The following SDK2 variants were observed in gnomAD, a reference collection of about 807,000 sequenced individuals.
SDK2 encodes the protein sidekick cell adhesion molecule 2, also known as protein sidekick-2.
Under a neutral mutation model 253.9 loss-of-function variants are expected in SDK2, and 105 were observed. The ratio of observed to expected loss-of-function variants is 0.41; its 90% CI spans 0.35 to 0.49. SDK2 has a LOEUF of 0.49. SDK2 is among the 20% of genes least tolerant of loss of function. The pLI, the probability that SDK2 is intolerant of heterozygous loss-of-function variation, is 0.06. For missense variants in SDK2, 2,608 were observed against 3,003.0 expected (o/e 0.87, Z 3.07); for synonymous variants, 1,249 against 1,234.9 (o/e 1.01, Z -0.24).
chr17:73,513,454 T>C (rs1356923649), intron 1 of SDK2, among the ~76,000 whole-genome samples: 1 of 152,212 alleles, frequency 6.6e-6, no homozygotes, highest in Non-Finnish European at 1.5e-5. Flanking sequence ...TGTGATATTC[T>C]GGGCTGGTGA....
At chr17:73,421,455 C>T (rs531517137) in intron 15 of SDK2, among the ~76,000 whole-genome samples, 2 of 152,104 alleles carry the variant, frequency 1.3e-5, no homozygotes, top group East Asian at 3.9e-4. Context: ...ATCTTTCTTG[C>T]TAGAGGTGGC....
At position 73,368,545 on chromosome 17, in the gene SDK2, T is replaced by C. The variant is rs1200442656; in HGVS notation, c.5029A>G (p.Thr1677Ala). 2 of 1,608,086 alleles carry C rather than the reference T, an allele frequency of 1.2e-6. No homozygotes were observed. Among genetic ancestry groups the C allele is most frequent in the South Asian group, 1.1e-5 (1 of 89,428 alleles). Residue 1677 changes from threonine to alanine, a missense_variant, in exon 37 of 45, where the codon ACG becomes GCG. By Grantham distance (58) the Thr-to-Ala change is moderately conservative. Coordinates refer to ENST00000392650, the MANE Select transcript of SDK2 (RefSeq NM_001144952.2). Reference sequence around the variant, plus strand: ...ACGCTGTTCTCAGCCAGGAAAAGCGTCTTCACTCGCTCTGTGAGGTTCCCC... The same window carrying C: ...ACGCTGTTCTCAGCCAGGAAAAGCGCCTTCACTCGCTCTGTGAGGTTCCCC... Reference protein sequence around the residue: ...QRGNLTERVKTLFLAENSVKL... With the variant: ...QRGNLTERVKALFLAENSVKL...
At chr17:73,417,147 T>C (rs2050805708) in intron 16 of SDK2, among the ~76,000 whole-genome samples, 1 of 151,380 alleles carries the variant, frequency 6.6e-6, no homozygotes, top group African/African-American at 2.4e-5. Context: ...CTCGTACCTA[T>C]AATCCCAGTG....
In SDK2 at chr17:73,385,904, T is replaced by C. The variant is rs1283285215; in HGVS notation, c.4512A>G (p.Ala1504=). Residue 1504 remains alanine (A), a synonymous_variant, in exon 32 of 45, where the codon GCA becomes GCG. Coordinates refer to ENST00000392650, the MANE Select transcript of SDK2 (RefSeq NM_001144952.2). The part of the protein sequence containing the change: ...LTTLQAAPDE[A]PTILSVTPHT... ...GGGGCGTCACGGAGAGGATGGTGGG[T>C]GCTTCATCGGGGGCTGTGGAGAGAA... 4 of 1,606,080 alleles carry C rather than the reference T, an allele frequency of 2.5e-6. No individual in the cohort carries two copies. In the South Asian group the frequency reaches 3.4e-5, roughly 14 times the overall value.
At position 73,462,438 on chromosome 17, in the gene SDK2, GTATA is replaced by G. The variant is rs963737062; in HGVS notation, c.332-6389_332-6386del. Among the ~76,000 whole-genome samples, 7 of 10,324 alleles carry G rather than the reference GTATA, an allele frequency of 6.8e-4. No individual in the cohort carries two copies. The Non-Finnish European group carries it at 0.022, about 33-fold the overall frequency. 6.8% of individuals were successfully genotyped at this position (10,324 alleles called of 152,430 possible). A position where few individuals can be genotyped will look rare whatever the true frequency, so the allele number is the denominator to read the frequency against. Reference sequence around the variant, plus strand: ...ATATATGGATGCATTTGGTGGGATGGTATATATATATACACACACACATACATGT... The same window carrying G: ...ATATATGGATGCATTTGGTGGGATGGTATATATACACACACACATACATGT... On this transcript the variant is annotated intron_variant, in intron 3 of 44. Transcript: ENST00000392650.
chr17:73,548,040 C>T (rs1260432590), intron 1 of SDK2, among the ~76,000 whole-genome samples: 1 of 152,182 alleles, frequency 6.6e-6, no homozygotes, highest in African/African-American at 2.4e-5. Context: ...CTTGTGAGAA[C>T]TCACTATTAC....
intron 3 of SDK2, among the ~76,000 whole-genome samples, chr17:73,460,247 C>A (rs2063554584): frequency 6.6e-6 from 1 of 152,160 alleles, no homozygotes; most frequent in Non-Finnish European, 1.5e-5. Context: ...TGGGAGCAGC[C>A]CACATGGAGA....
At chr17:73,560,262 A>G (rs149676787) in intron 1 of SDK2, among the ~76,000 whole-genome samples, 4 of 152,214 alleles carry the variant, frequency 2.6e-5, no homozygotes, top group African/African-American at 9.7e-5. Context: ...GTTCATGGAA[A>G]TGACAGCTGG....
intron 15 of SDK2, among the ~76,000 whole-genome samples, chr17:73,419,915 T>G (rs1206462243): frequency 1.3e-5 from 2 of 151,436 alleles, no homozygotes; most frequent in Admixed American, 1.3e-4. Flanking sequence ...ATGTTTTTGG[T>G]GCCGTTGAGG....
At chr17:73,472,037 C>T in intron 3 of SDK2, 75 bp downstream of exon 3, 1 of 1,112,202 alleles carries the variant, frequency 9.0e-7, no homozygotes, top group South Asian at 1.4e-5. Flanking sequence ...TCTGGCTCTG[C>T]CCAGGATGTG....
chr17:73,466,715 G>GC (rs869108125), intron 3 of SDK2, among the ~76,000 whole-genome samples: 27,498 of 106,672 alleles, frequency 0.26, 5,035 homozygotes, highest in South Asian at 0.36. Flanking sequence ...TCTGGGGAAC[G>GC]CCCCCCCCCC....
chr17:73,598,665 C>A (rs995764604), intron 1 of SDK2, among the ~76,000 whole-genome samples: 5 of 152,158 alleles, frequency 3.3e-5, no homozygotes, highest in African/African-American at 1.2e-4. Context: ...GATCGCTGGC[C>A]TTTTTCTTTA....
intron 18 of SDK2, among the ~76,000 whole-genome samples, chr17:73,405,503 T>A (rs1414192227): frequency 4.1e-4 from 34 of 82,704 alleles, no homozygotes; most frequent in South Asian, 9.3e-4. Flanking sequence ...TATATATATA[T>A]ATATATATAT....
intron 3 of SDK2, among the ~76,000 whole-genome samples, chr17:73,456,281 T>C (rs2063525371): frequency 6.6e-6 from 1 of 152,200 alleles, no homozygotes; most frequent in Non-Finnish European, 1.5e-5. Flanking sequence ...AATCGGCCAG[T>C]TCGTTCAACC....
chr17:73,431,299 G>A lies in SDK2; in HGVS notation c.1480+203C>T, dbSNP rs145410943. Among the ~76,000 whole-genome samples the A allele has an allele frequency of 1.4e-3, 213 of 152,176 alleles. No homozygotes were observed. Among genetic ancestry groups the A allele is most frequent in the Middle Eastern group, 6.8e-3 (2 of 294 alleles). On this transcript the variant is annotated intron_variant, in intron 11 of 44. Coordinates refer to ENST00000392650, the MANE Select transcript of SDK2 (RefSeq NM_001144952.2). The surrounding 1 kb of genome is among the most constrained non-coding windows in gnomAD (Gnocchi z 5.6). ...CAAGTCGGCCAAGCATAGCATCACC[G>A]GCAGAATCTTCCTAGTCCCTGGCCT...
chr17:73,516,066 C>T (rs534359958), intron 1 of SDK2, among the ~76,000 whole-genome samples: 2 of 152,300 alleles, frequency 1.3e-5, no homozygotes, highest in South Asian at 4.1e-4. Context: ...GAACCATTCC[C>T]CTAAGAAGCC....
chr17:73,514,111 C>T (rs2035994895), intron 1 of SDK2, among the ~76,000 whole-genome samples: 1 of 152,092 alleles, frequency 6.6e-6, no homozygotes, highest in Admixed American at 6.5e-5. Flanking sequence ...TGTGAGTGTG[C>T]ATGGTAAGCT....
intron 36 of SDK2, among the ~76,000 whole-genome samples, chr17:73,377,038 G>A (rs2062787516): frequency 1.3e-5 from 2 of 151,978 alleles, no homozygotes; most frequent in Admixed American, 1.3e-4. Context: ...CCCCACCTGT[G>A]GGATGAGGTG....
chr17:73,549,672 C>A (rs570674019), intron 1 of SDK2, among the ~76,000 whole-genome samples: 2 of 151,828 alleles, frequency 1.3e-5, no homozygotes, highest in Non-Finnish European at 2.9e-5. Context: ...AAGTTTTAGG[C>A]GAGGTGAACA....
Sources: gnomAD v4.1 joint callset for allele counts (sites outside exome capture counted in the v4.1 genomes callset) on GRCh38, gnomAD v4.1.1 for gene constraint, Gnocchi (gnomAD v3.1) non-coding constraint, MANE v1.5 for transcripts, NCBI Gene and HGNC (gene_info 2026-07-23, HGNC 2026-07-21) for gene names.